The following FAM222A variants were observed in gnomAD, a reference collection of about 807,000 sequenced individuals.
The protein encoded by FAM222A is family with sequence similarity 222 member A, also known as protein FAM222A.
In FAM222A, 7 loss-of-function variants were observed where a neutral mutation model predicts 25.8. The ratio of observed to expected loss-of-function variants is 0.27; its 90% CI spans 0.15 to 0.51. The LOEUF is 0.51. Ranked by LOEUF, FAM222A falls within the 20% of genes least tolerant of loss-of-function variation. The pLI is 0.97. For synonymous variants in FAM222A, 294 were observed against 298.8 expected (o/e 0.98, Z 0.17); for missense variants, 573 against 640.5 (o/e 0.89, Z 1.14).
At chr12:109,737,095 G>A (rs1461804161) in intron 1 of FAM222A, among the ~76,000 whole-genome samples, 2 of 152,072 alleles carry the variant, frequency 1.3e-5, no homozygotes, top group Non-Finnish European at 2.9e-5. Flanking sequence ...TGTATGTCTT[G>A]GAGAAGCCCT....
chr12:109,769,307 ACGGACATG>A lies in FAM222A; in HGVS notation c.*26_*33del, dbSNP rs757498539. On this transcript the variant is annotated 3_prime_UTR_variant, in exon 3 of 3. Transcript: ENST00000538780. ...CAGATAAGGCCTGCCCTGCGGACATACGGACATGCGGACAGGGCGCAGAGCCGGGAGGC... is the reference window on the plus strand; with the variant it reads ...CAGATAAGGCCTGCCCTGCGGACATACGGACAGGGCGCAGAGCCGGGAGGC... The A allele has an allele frequency of 5.7e-6, 9 of 1,590,704 alleles. No individual in the cohort carries two copies. The highest frequency in any genetic ancestry group is 2.3e-5 in the East Asian group (1 of 43,432).
At chr12:109,767,530 A>T (rs1889090957) in intron 2 of FAM222A, among the ~76,000 whole-genome samples, 1 of 152,190 alleles carries the variant, frequency 6.6e-6, no homozygotes, top group Non-Finnish European at 1.5e-5. Flanking sequence ...ATTGCGGCAT[A>T]GTCACACAAC....
chr12:109,770,344 C>T lies in FAM222A; in HGVS notation c.*1056C>T, dbSNP rs1262174817. ...GCGCTCTGGAAGCGGTACTGTATCT[C>T]TCTCCAAGGCCTGGTCAAGCACTAA... On this transcript the variant is annotated 3_prime_UTR_variant, in exon 3 of 3. Coordinates refer to ENST00000538780, the MANE Select transcript of FAM222A (RefSeq NM_032829.3). 1 of 152,696 alleles carries T rather than the reference C, an allele frequency of 6.5e-6. No individual in the cohort carries two copies. The highest frequency in any genetic ancestry group is 2.4e-5 in the African/African-American group (1 of 41,462). The allele number at this position is 152,696 out of a possible 1,614,324, so 9.5% of individuals were successfully genotyped here.
intron 1 of FAM222A, among the ~76,000 whole-genome samples, chr12:109,724,351 C>T (rs924436430): frequency 2.0e-5 from 3 of 152,216 alleles, no homozygotes; most frequent in Non-Finnish European, 4.4e-5. Flanking sequence ...AGCCGTGTCA[C>T]GGGGCCCCAA....
At chr12:109,757,766 G>C (rs1888775382) in intron 2 of FAM222A, among the ~76,000 whole-genome samples, 1 of 152,086 alleles carries the variant, frequency 6.6e-6, no homozygotes, top group Non-Finnish European at 1.5e-5. Context: ...GGGGTGGGGA[G>C]GGGGCGGGAC....
intron 1 of FAM222A, among the ~76,000 whole-genome samples, chr12:109,723,824 T>TCCCCACTC (rs951946264): frequency 6.6e-6 from 1 of 152,170 alleles, no homozygotes; most frequent in African/African-American, 2.4e-5. Context: ...AGTGTGGAGC[T>TCCCCACTC]CCCCACTCCC....
At chr12:109,752,037 G>A (rs1054615154) in intron 2 of FAM222A, among the ~76,000 whole-genome samples, 17 of 152,150 alleles carry the variant, frequency 1.1e-4, no homozygotes, top group African/African-American at 3.4e-4. Flanking sequence ...TTGTACATGT[G>A]CATCTGTGCA....
At chr12:109,730,363 G>A (rs1887923715) in intron 1 of FAM222A, among the ~76,000 whole-genome samples, 1 of 149,408 alleles carries the variant, frequency 6.7e-6, no homozygotes. Context: ...CTGCAGGCGA[G>A]TGGCTGCCTA....
At chr12:109,735,293 C>T (rs952100338) in intron 1 of FAM222A, among the ~76,000 whole-genome samples, 1 of 152,240 alleles carries the variant, frequency 6.6e-6, no homozygotes, top group African/African-American at 2.4e-5. Context: ...CCTGCCTGCT[C>T]CACCAACCAA....
At chr12:109,735,527 G>A (rs915451665) in intron 1 of FAM222A, 5 of 152,242 alleles carry the variant, frequency 3.3e-5, no homozygotes, top group Middle Eastern at 3.1e-3. Context: ...TGCAGGGACT[G>A]GGGGAATAGG....
chr12:109,760,105 T>A (rs1353462775), intron 2 of FAM222A, among the ~76,000 whole-genome samples: 1 of 152,116 alleles, frequency 6.6e-6, no homozygotes, highest in Admixed American at 6.6e-5. Context: ...TCCTACTGTG[T>A]ACCATGCACC....
chr12:109,715,252 CGTT>C (rs1433583271), intron 1 of FAM222A, among the ~76,000 whole-genome samples: 4 of 152,174 alleles, frequency 2.6e-5, no homozygotes, highest in African/African-American at 9.6e-5. Context: ...GATGGGAAAA[CGTT>C]GAGGGTCTCC....
chr12:109,767,500 A>G (rs540083886), intron 2 of FAM222A, among the ~76,000 whole-genome samples: 20 of 152,336 alleles, frequency 1.3e-4, no homozygotes, highest in African/African-American at 4.3e-4. Context: ...TGTCTCTAAA[A>G]GAACAGAAAC....
intron 2 of FAM222A, among the ~76,000 whole-genome samples, chr12:109,760,711 G>A (rs2136377869): frequency 6.6e-6 from 1 of 152,306 alleles, no homozygotes; most frequent in Admixed American, 6.5e-5. Context: ...CTGAAGCACG[G>A]GGCTGCCACA....
chr12:109,726,892 G>C (rs1427636519), intron 1 of FAM222A, among the ~76,000 whole-genome samples: 1 of 152,186 alleles, frequency 6.6e-6, no homozygotes, highest in Non-Finnish European at 1.5e-5. Context: ...TTGTGCACTA[G>C]GCCCCATGTT....
intron 2 of FAM222A, among the ~76,000 whole-genome samples, chr12:109,754,333 A>T (rs1376782269): frequency 6.6e-6 from 1 of 152,192 alleles, no homozygotes; most frequent in African/African-American, 2.4e-5. Flanking sequence ...GGAGTCCAAG[A>T]GATCAGCCTG....
At chr12:109,740,146 A>G (rs999644025) in intron 1 of FAM222A, among the ~76,000 whole-genome samples, 4 of 152,282 alleles carry the variant, frequency 2.6e-5, no homozygotes, top group Non-Finnish European at 4.4e-5. Context: ...CACAGACTCA[A>G]TTCCTCCTCG....
chr12:109,763,450 A>G (rs1191039218), intron 2 of FAM222A, among the ~76,000 whole-genome samples: 1 of 152,238 alleles, frequency 6.6e-6, no homozygotes, highest in Non-Finnish European at 1.5e-5. Context: ...ATGAGGTTGC[A>G]GTCAGGATAT....
At chr12:109,740,624 G>A (rs961899783) in intron 1 of FAM222A, among the ~76,000 whole-genome samples, 1 of 152,186 alleles carries the variant, frequency 6.6e-6, no homozygotes, top group East Asian at 1.9e-4. Context: ...CTGCCTTGCT[G>A]TGTGACCTTG....
Sources: allele counts gnomAD v4.1 joint callset (sites outside exome capture counted in the v4.1 genomes callset), GRCh38; gene constraint gnomAD v4.1.1; transcripts MANE v1.5; gene names NCBI Gene and HGNC (gene_info 2026-07-23, HGNC 2026-07-21).